Variants in OPHN1 observed in about 807,000 individuals in gnomAD.
OPHN1 encodes the protein oligophrenin 1, also known as oligophrenin-1.
A neutral mutation model predicts 60.7 loss-of-function variants in OPHN1; 11 were observed. The ratio of observed to expected loss-of-function variants is 0.18; its 90% CI spans 0.11 to 0.30. The LOEUF is 0.30. Ranked by LOEUF, OPHN1 falls within the 10% of genes least tolerant of loss-of-function variation. The probability of loss-of-function intolerance (pLI) is 1.00; values close to 1 mark genes in which losing one functional copy is unlikely to be tolerated. For synonymous variants in OPHN1, 226 were observed against 222.6 expected, an observed-to-expected ratio of 1.02 and a Z score of -0.14; for missense variants, 449 against 611.0, an observed-to-expected ratio of 0.73 and a Z score of 2.80.
chrX:68,251,693 C>T (rs2077836241), intron 5 of OPHN1, among the ~76,000 whole-genome samples: 1 of 111,119 alleles, frequency 9.0e-6, no homozygotes, highest in Non-Finnish European at 1.9e-5. Flanking sequence ...AGGAAAATGA[C>T]TTGTTCAAGG....
intron 15 of OPHN1, among the ~76,000 whole-genome samples, chrX:68,158,361 T>C (rs111661379): frequency 4.6e-4 from 52 of 111,917 alleles, no homozygotes; most frequent in African/African-American, 1.6e-3. Flanking sequence ...AACACAGATG[T>C]TGGAGGAAAA....
intron 2 of OPHN1, among the ~76,000 whole-genome samples, chrX:68,332,095 T>C (rs951049795): frequency 3.6e-5 from 4 of 111,707 alleles, no homozygotes; most frequent in Non-Finnish European, 5.6e-5. Context: ...GAAGCAAACA[T>C]GACAGAATGT....
intron 15 of OPHN1, among the ~76,000 whole-genome samples, chrX:68,137,146 T>C (rs1190084949): frequency 9.0e-6 from 1 of 110,996 alleles, no homozygotes; most frequent in African/African-American, 3.3e-5. Context: ...ATACAAGGGG[T>C]TGATTTATGA....
chrX:68,048,315 C>T lies in OPHN1; in HGVS notation c.*8+101G>A, dbSNP rs1020680394. Reference sequence around the variant, plus strand: ...ACTGAGGCGTAGAAGTGAGTTCCCACCCTTCTGATCTACATGTTATTCCAG... The same window carrying T: ...ACTGAGGCGTAGAAGTGAGTTCCCATCCTTCTGATCTACATGTTATTCCAG... On this transcript the variant is annotated intron_variant, in intron 24 of 24. Transcript: ENST00000355520. The T allele has an allele frequency of 1.3e-5, 10 of 744,906 alleles. No individual in the cohort carries two copies. In the Admixed American group the frequency reaches 1.9e-4, roughly 14 times the overall value. The allele number at this position is 744,906 out of a possible 1,213,427, so 61.4% of individuals were successfully genotyped here. A position where few individuals can be genotyped will look rare whatever the true frequency, so the allele number is the denominator to read the frequency against.
At chrX:68,397,525 T>TTTA (rs1491368943) in intron 2 of OPHN1, among the ~76,000 whole-genome samples, 1 of 13,507 alleles carries the variant, frequency 7.4e-5, no homozygotes, top group African/African-American at 2.8e-4. Flanking sequence ...TATTTATTTA[T>TTTA]TTTTTTTTTT....
intron 18 of OPHN1, among the ~76,000 whole-genome samples, chrX:68,103,210 A>G (rs1335873863): frequency 8.9e-6 from 1 of 112,053 alleles, no homozygotes; most frequent in Non-Finnish European, 1.9e-5. Flanking sequence ...CTGGGATGCA[A>G]GGGTGGTTCA....
At chrX:68,073,079 C>G in intron 20 of OPHN1, 73 bp downstream of exon 20, 1 of 1,101,985 alleles carries the variant, frequency 9.1e-7, no homozygotes, top group Non-Finnish European at 1.2e-6. Context: ...GGTCATGCCA[C>G]CGCTTCTGCC....
At chrX:68,212,032 C>G in intron 8 of OPHN1, 76 bp downstream of exon 8, 1 of 735,686 alleles carries the variant, frequency 1.4e-6, no homozygotes, top group Non-Finnish European at 2.1e-6. Flanking sequence ...CCTAGAATTC[C>G]AAGAATCAAG....
At chrX:68,307,731 G>A (rs1056511608) in intron 2 of OPHN1, among the ~76,000 whole-genome samples, 1 of 110,715 alleles carries the variant, frequency 9.0e-6, no homozygotes, top group Non-Finnish European at 1.9e-5. Flanking sequence ...TGTATAAAAC[G>A]TTATCTACAA....
chrX:68,279,608 A>C (rs1476411182), intron 4 of OPHN1, among the ~76,000 whole-genome samples: 1 of 111,466 alleles, frequency 9.0e-6, no homozygotes, highest in Admixed American at 9.6e-5. Context: ...ATGCAATATA[A>C]GACCCACTAA....
chrX:68,352,084 T>G (rs2147705586), intron 2 of OPHN1, among the ~76,000 whole-genome samples: 1 of 108,669 alleles, frequency 9.2e-6, no homozygotes, highest in Non-Finnish European at 1.9e-5. Context: ...TTTCACCGTG[T>G]TAGCCAGGAT....
At chrX:68,238,583 G>T (rs2077764363) in intron 5 of OPHN1, among the ~76,000 whole-genome samples, 1 of 111,641 alleles carries the variant, frequency 9.0e-6, no homozygotes, top group Non-Finnish European at 1.9e-5. Context: ...TCCTTTACTA[G>T]ATTTTAATGT....
chrX:68,064,303 G>T, intron 20 of OPHN1, 126 bp from the exon 21 acceptor site: 1 of 610,571 alleles, frequency 1.6e-6, no homozygotes, highest in Non-Finnish European at 2.6e-6. Flanking sequence ...TGTCACTGTG[G>T]CACAAACCAA....
At chrX:68,362,904 G>A (rs2078480380) in intron 2 of OPHN1, among the ~76,000 whole-genome samples, 1 of 110,941 alleles carries the variant, frequency 9.0e-6, no homozygotes, top group African/African-American at 3.3e-5. Context: ...GGTATATGAG[G>A]ACTCTGTACT....
chrX:68,365,818 C>CTT (rs11419921), intron 2 of OPHN1, among the ~76,000 whole-genome samples: 38 of 97,104 alleles, frequency 3.9e-4, no homozygotes, highest in East Asian at 9.7e-4. Context: ...CAATTATTCC[C>CTT]TTTTTTTTTT....
intron 5 of OPHN1, among the ~76,000 whole-genome samples, chrX:68,245,807 A>C (rs753326308): frequency 1.8e-5 from 2 of 111,687 alleles, no homozygotes; most frequent in Non-Finnish European, 3.8e-5. Context: ...TTATTTATTT[A>C]TTTATGAATT....
intron 4 of OPHN1, among the ~76,000 whole-genome samples, chrX:68,280,735 G>T (rs1197615347): frequency 9.0e-6 from 1 of 111,298 alleles, no homozygotes; most frequent in African/African-American, 3.3e-5. Flanking sequence ...GTCTGGGATG[G>T]GTACAAGGAC....
At chrX:68,269,895 A>C (rs1228435118) in intron 5 of OPHN1, among the ~76,000 whole-genome samples, 7 of 112,110 alleles carry the variant, frequency 6.2e-5, no homozygotes, top group African/African-American at 2.3e-4. Context: ...TTTACAAGAA[A>C]AAAACAAACA....
chrX:68,116,621 G>T (rs2077128342), intron 16 of OPHN1, among the ~76,000 whole-genome samples: 1 of 111,443 alleles, frequency 9.0e-6, no homozygotes, highest in Admixed American at 9.5e-5. Context: ...ACTCATCACT[G>T]AGTTTCAGAC....
Sources: allele counts gnomAD v4.1 joint callset (sites outside exome capture counted in the v4.1 genomes callset), GRCh38; gene constraint gnomAD v4.1.1; transcripts MANE v1.5; gene names NCBI Gene and HGNC (gene_info 2026-07-23, HGNC 2026-07-21).